The following IGSF10 variants were observed in gnomAD, a reference collection of about 807,000 sequenced individuals.
IGSF10 encodes immunoglobulin superfamily member 10.
A neutral mutation model predicts 128.2 loss-of-function variants in IGSF10; 126 were observed. The observed-to-expected ratio is 0.98, with a 90% CI of 0.85 to 1.14. The LOEUF (loss-of-function observed/expected upper bound fraction) is 1.14. Among genes scored for constraint, IGSF10 ranks in the 50% most tolerant of loss-of-function variants. The pLI, the probability that IGSF10 is intolerant of heterozygous loss-of-function variation, is 0.00. For missense variants in IGSF10, 3,295 were observed against 3,149.8 expected, an observed-to-expected ratio of 1.05 and a Z score of -1.10; for synonymous variants, 1,185 against 1,146.2, an observed-to-expected ratio of 1.03 and a Z score of -0.68.
chr3:151,524,003 C>T, the IGSF10 span, among the ~76,000 whole-genome samples: 2 of 152,122 alleles, frequency 1.3e-5, no homozygotes, highest in African/African-American at 2.4e-5. Flanking sequence ...AGGACATGAA[C>T]ATTTTTCAAA....
chr3:151,510,656 A>C, the IGSF10 span, among the ~76,000 whole-genome samples: 2 of 152,228 alleles, frequency 1.3e-5, no homozygotes, highest in African/African-American at 4.8e-5. Context: ...TCAGAAGATC[A>C]AACTACTCTG....
intron 3 of IGSF10, among the ~76,000 whole-genome samples, chr3:151,458,131 ATGTG>A (rs142272716): frequency 2.0e-5 from 3 of 150,552 alleles, no homozygotes; most frequent in African/African-American, 4.9e-5. Flanking sequence ...ATATGTATGT[ATGTG>A]TGTGTGTGTG....
the IGSF10 span, among the ~76,000 whole-genome samples, chr3:151,505,576 A>G: frequency 6.6e-6 from 1 of 152,178 alleles, no homozygotes; most frequent in East Asian, 1.9e-4. Context: ...TCTGGCTTAT[A>G]TATGTATAGG....
chr3:151,616,787 T>C, the IGSF10 span, among the ~76,000 whole-genome samples: 6 of 152,358 alleles, frequency 3.9e-5, no homozygotes, highest in African/African-American at 1.4e-4. Context: ...GAAATGCGTC[T>C]TATTCTGTTT....
At chr3:151,568,966 G>A in the IGSF10 span, among the ~76,000 whole-genome samples, 451 of 152,284 alleles carry the variant, frequency 3.0e-3, 2 homozygotes, top group African/African-American at 0.01. Context: ...CACAGCCCCC[G>A]AAAAGAAGAA....
the IGSF10 span, among the ~76,000 whole-genome samples, chr3:151,592,827 T>C: frequency 6.6e-6 from 1 of 152,210 alleles, no homozygotes; most frequent in Non-Finnish European, 1.5e-5. Flanking sequence ...ACATACTGTG[T>C]AATGCAGTGC....
chr3:151,534,338 T>C, the IGSF10 span, among the ~76,000 whole-genome samples: 1 of 152,170 alleles, frequency 6.6e-6, no homozygotes, highest in Admixed American at 6.5e-5. Context: ...CATTCTTCTA[T>C]AAAGACACAT....
chr3:151,566,910 C>A, the IGSF10 span, among the ~76,000 whole-genome samples: 1 of 152,198 alleles, frequency 6.6e-6, no homozygotes, highest in African/African-American at 2.4e-5. Context: ...TCCATGCTCA[C>A]CCTTGCTGAA....
At chr3:151,591,381 A>G in the IGSF10 span, among the ~76,000 whole-genome samples, 11 of 147,090 alleles carry the variant, frequency 7.5e-5, no homozygotes, top group East Asian at 1.9e-3. Flanking sequence ...TAATTATTTT[A>G]CATATATAAA....
At chr3:151,479,146 C>G in the IGSF10 span, among the ~76,000 whole-genome samples, 1 of 151,988 alleles carries the variant, frequency 6.6e-6, no homozygotes, top group Non-Finnish European at 1.5e-5. Context: ...GTTGAAAGAG[C>G]TAAAGTTGAA....
At position 151,458,602 on chromosome 3, in the gene IGSF10, A is replaced by G. The variant is rs142214363; in HGVS notation, c.108T>C (p.Tyr36=). ...ATGTGCAGTGTACCTCCGTAGGCAT[A>G]TAACAGGCACAGCGGCGAGGACAGG... ...GKACPRRCAC[Y]MPTEVHCTFR... Residue 36 remains tyrosine, a synonymous_variant, in exon 3 of 8, where the codon TAT becomes TAC. Transcript: ENST00000282466. 0.034 allele frequency: 54,434 copies of G among 1,614,132 alleles called. 1,083 individuals are homozygous for G. Among genetic ancestry groups the G allele is most frequent in the Non-Finnish European group, 0.037 (44,198 of 1,179,978 alleles).
In IGSF10 at chr3:151,437,014, A is replaced by G. The variant is rs760155422; in HGVS notation, c.7547T>C (p.Leu2516Pro). The G allele has an allele frequency of 1.9e-6, 3 of 1,614,116 alleles. No homozygotes were observed. In the African/African-American group the frequency reaches 4.0e-5, roughly 22 times the overall value. ...CKAQNSVGHT[L>P]ITVPVMIVAY... The stretch of plus-strand genomic sequence containing the variant: ...TACAATCATTACTGGAACAGTAATC[A>G]GTGTATGACCAACACTATTTTGAGC... Residue 2516 changes from leucine (L) to proline (P), a missense_variant, in exon 8 of 8, where the codon CTG becomes CCG. Transcript: ENST00000282466.
the IGSF10 span, among the ~76,000 whole-genome samples, chr3:151,507,351 G>C: frequency 2.0e-5 from 3 of 152,222 alleles, no homozygotes; most frequent in East Asian, 5.8e-4. Context: ...ACCTGTGTCA[G>C]AGTTTCAAAA....
At chr3:151,483,774 T>C in the IGSF10 span, among the ~76,000 whole-genome samples, 1 of 152,180 alleles carries the variant, frequency 6.6e-6, no homozygotes, top group Non-Finnish European at 1.5e-5. Flanking sequence ...CTGGCCCAGA[T>C]ACTGAGCTTT....
At chr3:151,605,358 G>T in the IGSF10 span, among the ~76,000 whole-genome samples, 1 of 152,126 alleles carries the variant, frequency 6.6e-6, no homozygotes, top group Non-Finnish European at 1.5e-5. Context: ...TTTTAGAAGG[G>T]ATTTTTAATC....
At chr3:151,556,904 C>T in the IGSF10 span, among the ~76,000 whole-genome samples, 1 of 152,132 alleles carries the variant, frequency 6.6e-6, no homozygotes, top group Non-Finnish European at 1.5e-5. Flanking sequence ...TTTCTCTGGT[C>T]ATCTTACACA....
chr3:151,475,323 A>G, the IGSF10 span, among the ~76,000 whole-genome samples: 1 of 152,218 alleles, frequency 6.6e-6, no homozygotes, highest in African/African-American at 2.4e-5. Flanking sequence ...ACTGGTGTCA[A>G]TGCCTAAAGT....
the IGSF10 span, among the ~76,000 whole-genome samples, chr3:151,558,200 T>G: frequency 2.7e-5 from 4 of 149,702 alleles, no homozygotes; most frequent in African/African-American, 9.9e-5. Context: ...TTAAAAGACA[T>G]GAGATATGAG....
chr3:151,486,875 G>T, the IGSF10 span, among the ~76,000 whole-genome samples: 2 of 152,240 alleles, frequency 1.3e-5, no homozygotes, highest in African/African-American at 4.8e-5. Context: ...GCCCACAAGC[G>T]AAAGCATGAA....
Sources: allele counts gnomAD v4.1 joint callset (sites outside exome capture counted in the v4.1 genomes callset), GRCh38; gene constraint gnomAD v4.1.1; transcripts MANE v1.5; gene names NCBI Gene and HGNC (gene_info 2026-07-23, HGNC 2026-07-21).